The following CFAP95 variants were observed in gnomAD, a reference collection of about 807,000 sequenced individuals.
The protein encoded by CFAP95 is cilia and flagella associated protein 95.
the CFAP95 span, chr9:69,884,526 T>C: frequency 6.6e-6 from 1 of 152,144 alleles, no homozygotes; most frequent in Admixed American, 6.5e-5. Context: ...CATACTGATG[T>C]TGAACTTAGT....
chr9:69,844,619 A>T, the CFAP95 span: 2 of 1,602,262 alleles, frequency 1.2e-6, no homozygotes, highest in Non-Finnish European at 1.7e-6. Flanking sequence ...GAACCGATGA[A>T]TCCCCAGTAA....
the CFAP95 span, chr9:69,902,359 G>A: frequency 2.2e-6 from 1 of 453,476 alleles, no homozygotes; most frequent in African/African-American, 2.0e-5. Flanking sequence ...TCCCAGGTTT[G>A]ATCATTGACA....
At chr9:69,859,214 T>G in the CFAP95 span, among the ~76,000 whole-genome samples, 6 of 152,194 alleles carry the variant, frequency 3.9e-5, no homozygotes, top group African/African-American at 1.4e-4. Flanking sequence ...TTTCTTGTCC[T>G]GATCCTAAAA....
the CFAP95 span, among the ~76,000 whole-genome samples, chr9:69,853,488 G>A: frequency 6.6e-6 from 1 of 152,188 alleles, no homozygotes; most frequent in African/African-American, 2.4e-5. Flanking sequence ...AAATTTTAGT[G>A]ATTATCCTGC....
the CFAP95 span, among the ~76,000 whole-genome samples, chr9:69,875,009 T>G: frequency 2.0e-5 from 3 of 152,220 alleles, no homozygotes; most frequent in Admixed American, 2.0e-4. Flanking sequence ...CCTCTGTTGT[T>G]TTTCTGACCT....
the CFAP95 span, among the ~76,000 whole-genome samples, chr9:69,900,021 A>AT: frequency 3.1e-4 from 47 of 152,102 alleles, no homozygotes; most frequent in Non-Finnish European, 6.3e-4. Flanking sequence ...TCAACTTACA[A>AT]TTTTTTGACT....
At chr9:69,881,867 A>G in the CFAP95 span, among the ~76,000 whole-genome samples, 1 of 152,092 alleles carries the variant, frequency 6.6e-6, no homozygotes, top group Non-Finnish European at 1.5e-5. Flanking sequence ...TTTTCATTGT[A>G]GAGATCTTTC....
the CFAP95 span, among the ~76,000 whole-genome samples, chr9:69,850,105 G>T: frequency 2.0e-5 from 3 of 152,108 alleles, no homozygotes; most frequent in Non-Finnish European, 4.4e-5. Flanking sequence ...GCCACTGGGA[G>T]GCCAAAGAAA....
chr9:69,821,023 G>A, the CFAP95 span: 3 of 1,613,508 alleles, frequency 1.9e-6, no homozygotes, highest in Non-Finnish European at 2.5e-6. Context: ...CGGTGTTGGT[G>A]TATTCCTGGT....
chr9:69,880,462 T>C, the CFAP95 span, among the ~76,000 whole-genome samples: 2 of 152,202 alleles, frequency 1.3e-5, no homozygotes, highest in South Asian at 4.1e-4. Flanking sequence ...TCTCCTGTTC[T>C]ATCAATGTTG....
At chr9:69,871,446 A>G in the CFAP95 span, among the ~76,000 whole-genome samples, 1 of 152,116 alleles carries the variant, frequency 6.6e-6, no homozygotes, top group East Asian at 1.9e-4. Flanking sequence ...TTGTGTTTAG[A>G]AAACAGAGAA....
At chr9:69,842,055 T>C in the CFAP95 span, among the ~76,000 whole-genome samples, 2 of 152,198 alleles carry the variant, frequency 1.3e-5, no homozygotes, top group South Asian at 4.1e-4. Flanking sequence ...GGGTCTCCCA[T>C]GTGTCCCCAA....
At chr9:69,882,540 G>A in the CFAP95 span, among the ~76,000 whole-genome samples, 1 of 152,128 alleles carries the variant, frequency 6.6e-6, no homozygotes, top group Non-Finnish European at 1.5e-5. Context: ...TTATAGGAAA[G>A]GCTTTCAGTT....
chr9:69,890,420 G>A, the CFAP95 span, among the ~76,000 whole-genome samples: 4 of 152,124 alleles, frequency 2.6e-5, no homozygotes, highest in Admixed American at 6.5e-5. Context: ...TTTGAGGCAC[G>A]TTTTTAGCGC....
the CFAP95 span, chr9:69,844,614 G>A: frequency 1.1e-5 from 17 of 1,609,450 alleles, no homozygotes; most frequent in African/African-American, 4.0e-5. Flanking sequence ...ACTGGGAACC[G>A]ATGAATCCCC....
At chr9:69,860,485 A>C in the CFAP95 span, among the ~76,000 whole-genome samples, 1 of 152,226 alleles carries the variant, frequency 6.6e-6, no homozygotes, top group Admixed American at 6.5e-5. Flanking sequence ...AACATTGGGG[A>C]TCACATTTCA....
At chr9:69,838,739 A>C in the CFAP95 span, among the ~76,000 whole-genome samples, 5 of 143,344 alleles carry the variant, frequency 3.5e-5, no homozygotes, top group Middle Eastern at 3.6e-3. Flanking sequence ...TCTCCTGCCT[A>C]ATTGCCCTGG....
chr9:69,886,721 G>A, the CFAP95 span: 3 of 708,812 alleles, frequency 4.2e-6, no homozygotes, highest in Middle Eastern at 3.9e-4. Context: ...TTTAAATTTT[G>A]ATTAGGGCCA....
At chr9:69,843,518 C>T in the CFAP95 span, among the ~76,000 whole-genome samples, 3 of 3,510 alleles carry the variant, frequency 8.5e-4, no homozygotes, top group African/African-American at 1.6e-3. Flanking sequence ...TCCTCCTCCT[C>T]CTCCTCCTCC....
Sources: gnomAD v4.1 joint callset for allele counts (sites outside exome capture counted in the v4.1 genomes callset) on GRCh38, gnomAD v4.1.1 for gene constraint, MANE v1.5 for transcripts, NCBI Gene and HGNC (gene_info 2026-07-23, HGNC 2026-07-21) for gene names.